DAPK1: variants seen among roughly 807,000 people sequenced by gnomAD.
DAPK1 encodes death associated protein kinase 1.
DAPK1 carries 56 observed loss-of-function variants against 144.9 expected under a neutral mutation model. That is an observed-to-expected ratio of 0.39 (90% CI 0.31 to 0.48). DAPK1 has a LOEUF of 0.48. DAPK1 is among the 20% of genes least tolerant of loss of function. The pLI is 0.95. For missense variants in DAPK1, 1,454 were observed against 1,875.4 expected (o/e 0.78, Z 4.15); for synonymous variants, 690 against 749.0 (o/e 0.92, Z 1.29).
chr9:87,502,025 A>T (rs1051468360), intron 2 of DAPK1, among the ~76,000 whole-genome samples: 4 of 152,150 alleles, frequency 2.6e-5, no homozygotes, highest in African/African-American at 9.7e-5. Context: ...AGCAGTAGAG[A>T]GTTAAACAAA....
At chr9:87,687,190 G>A (rs1467208151) in intron 21 of DAPK1, among the ~76,000 whole-genome samples, 1 of 152,032 alleles carries the variant, frequency 6.6e-6, no homozygotes, top group Admixed American at 6.5e-5. Flanking sequence ...GTTAACTATA[G>A]TCACCCTATT....
intron 2 of DAPK1, among the ~76,000 whole-genome samples, chr9:87,590,587 A>C (rs879267547): frequency 1.3e-5 from 2 of 151,842 alleles, no homozygotes; most frequent in Non-Finnish European, 2.9e-5. Flanking sequence ...CTACTTAAAA[A>C]ATTTTTTTTT....
At chr9:87,690,341 G>A (rs1191635968) in intron 21 of DAPK1, among the ~76,000 whole-genome samples, 1 of 152,000 alleles carries the variant, frequency 6.6e-6, no homozygotes, top group African/African-American at 2.4e-5. Flanking sequence ...ACTGATTTTT[G>A]TAGGTTGATT....
intron 3 of DAPK1, among the ~76,000 whole-genome samples, chr9:87,630,231 G>A (rs192533817): frequency 6.5e-4 from 99 of 152,274 alleles, no homozygotes; most frequent in African/African-American, 2.1e-3. Flanking sequence ...ATAGATAACT[G>A]CAACAGTTAG....
At chr9:87,667,229 T>C (rs1257563121) in intron 18 of DAPK1, among the ~76,000 whole-genome samples, 1 of 152,208 alleles carries the variant, frequency 6.6e-6, no homozygotes, top group Non-Finnish European at 1.5e-5. Context: ...CTTGAAGCCC[T>C]GGCCTGCCCA....
intron 19 of DAPK1, among the ~76,000 whole-genome samples, chr9:87,680,280 A>G (rs939512377): frequency 1.3e-5 from 2 of 151,196 alleles, no homozygotes; most frequent in Non-Finnish European, 2.9e-5. Flanking sequence ...AATTTTTTGT[A>G]TTTTCGGTAG....
chr9:87,647,615 A>C (rs956450827), intron 14 of DAPK1, among the ~76,000 whole-genome samples: 2 of 152,246 alleles, frequency 1.3e-5, no homozygotes, highest in African/African-American at 4.8e-5. Flanking sequence ...GGTAGTTGCC[A>C]TAATACGCAC....
intron 14 of DAPK1, among the ~76,000 whole-genome samples, chr9:87,647,813 A>T (rs370322645): frequency 2.6e-5 from 4 of 152,356 alleles, no homozygotes; most frequent in African/African-American, 7.2e-5. Flanking sequence ...ACTAGAAGAT[A>T]TTAATGAGAC....
At chr9:87,525,428 T>C (rs1825468440) in intron 2 of DAPK1, 1 of 1,610,852 alleles carries the variant, frequency 6.2e-7, no homozygotes, top group South Asian at 1.1e-5. Flanking sequence ...GTGCCGCCAG[T>C]GTTTCCGTCA....
chr9:87,650,018 G>A lies in DAPK1; in HGVS notation c.1526G>A (p.Arg509Gln), dbSNP rs370217634. The change falls in exon 16 of 26, where the codon CGA (arginine) becomes CAA (glutamine). Residue 509 changes from arginine (R) to glutamine (Q), a missense_variant. Arg to Gln is a conservative substitution (Grantham distance 43). Transcript: ENST00000408954. ...GGCTGTAACGTGAACATCAAGAACCGAGAAGGAGAGACGCCCCTCCTGACA... is the reference window on the plus strand; with the variant it reads ...GGCTGTAACGTGAACATCAAGAACCAAGAAGGAGAGACGCCCCTCCTGACA... Reference protein sequence around the residue: ...EAGCNVNIKNREGETPLLTAS... With the variant: ...EAGCNVNIKNQEGETPLLTAS... The A allele has an allele frequency of 3.7e-6, 6 of 1,614,044 alleles. No individual in the cohort carries two copies. Among genetic ancestry groups the A allele is most frequent in the Admixed American group, 1.7e-5 (1 of 60,010 alleles).
Position 87,651,560 on chromosome 9 carries a change from C to T in DAPK1, c.1660C>T (p.Arg554Trp), listed in dbSNP as rs1830443263. 1.9e-6 allele frequency: 3 copies of T among 1,614,114 alleles called. No individual in the cohort carries two copies. Among genetic ancestry groups the T allele is most frequent in the African/African-American group, 1.3e-5 (1 of 75,028 alleles). The change falls in exon 17 of 26, where the codon CGG (arginine) becomes TGG (tryptophan). Residue 554 changes from arginine to tryptophan, a missense_variant. By Grantham distance (101) the Arg-to-Trp change is moderately radical. Around this residue, in one of 2 missense-constraint regions of DAPK1, gnomAD observed 1,025 missense variants for 1,237.9 expected, o/e 0.83. Transcript: ENST00000408954. ...GHIALHLAVRRCQMEVIKTLL... is the reference protein window; with the variant it reads ...GHIALHLAVRWCQMEVIKTLL... ...CATTGCCCTTCATCTGGCTGTAAGA[C>T]GGTGTCAGATGGAGGTAATCAAGAC...
At chr9:87,595,247 G>A (rs746359398) in intron 2 of DAPK1, among the ~76,000 whole-genome samples, 9 of 152,172 alleles carry the variant, frequency 5.9e-5, no homozygotes, top group Admixed American at 1.3e-4. Flanking sequence ...ATTGCCCCTC[G>A]TGGAAAGGGC....
chr9:87,556,707 C>CTCCAGGAGCTCGCTGGAGAACATA (rs1826732093), intron 2 of DAPK1, among the ~76,000 whole-genome samples: 1 of 152,238 alleles, frequency 6.6e-6, no homozygotes, highest in African/African-American at 2.4e-5. Flanking sequence ...GTACTTCTCG[C>CTCCAGGAGCTCGCTGGAGAACATA]TCCAGGAGCT....
chr9:87,648,756 A>G (rs1345944275), intron 14 of DAPK1, 25 bp from the exon 15 acceptor site: 1 of 1,601,718 alleles, frequency 6.2e-7, no homozygotes, highest in South Asian at 1.1e-5. Context: ...GTGGCTCTGA[A>G]TCACCGGCTC....
intron 3 of DAPK1, among the ~76,000 whole-genome samples, chr9:87,617,746 T>G (rs547727610): frequency 7.8e-4 from 119 of 152,312 alleles, no homozygotes; most frequent in African/African-American, 2.8e-3. Flanking sequence ...GCTTCTCCAG[T>G]GGCCTACTCG....
chr9:87,614,685 T>A (rs1829036569), intron 3 of DAPK1, among the ~76,000 whole-genome samples: 1 of 152,216 alleles, frequency 6.6e-6, no homozygotes, highest in Non-Finnish European at 1.5e-5. Flanking sequence ...TCACAGGTAC[T>A]GGTTTTGCCT....
intron 21 of DAPK1, among the ~76,000 whole-genome samples, chr9:87,696,077 G>T (rs1454097256): frequency 6.6e-6 from 1 of 152,084 alleles, no homozygotes; most frequent in Non-Finnish European, 1.5e-5. Flanking sequence ...AATATGACCT[G>T]ATGGATCTTT....
intron 2 of DAPK1, among the ~76,000 whole-genome samples, chr9:87,534,107 T>A (rs75499864): frequency 3.5e-4 from 3 of 8,660 alleles, no homozygotes; most frequent in Non-Finnish European, 1.1e-3. Flanking sequence ...TTTCTTGCGA[T>A]TTTTTTTTTT....
chr9:87,640,604 C>T (rs1045264406), intron 8 of DAPK1, among the ~76,000 whole-genome samples, 154 bp downstream of exon 8: 3 of 152,262 alleles, frequency 2.0e-5, no homozygotes, highest in Admixed American at 6.5e-5. Context: ...AAAATGCAAG[C>T]AGGGCCCTCT....
Sources: gnomAD v4.1 joint callset for allele counts (sites outside exome capture counted in the v4.1 genomes callset) on GRCh38, gnomAD v4.1.1 for gene constraint, gnomAD v4.1.1 regional missense constraint, MANE v1.5 for transcripts, NCBI Gene and HGNC (gene_info 2026-07-23, HGNC 2026-07-21) for gene names.